TRHDE: variants seen among roughly 807,000 people sequenced by gnomAD.
TRHDE encodes thyrotropin-releasing hormone-degrading ectoenzyme.
TRHDE carries 72 observed loss-of-function variants against 125.7 expected under a neutral mutation model. The observed-to-expected ratio is 0.57, with a 90% confidence interval of 0.47 to 0.70. TRHDE has a LOEUF of 0.70. Among genes scored for constraint, TRHDE ranks in the 30% least tolerant of loss-of-function variants. TRHDE has a pLI of 0.00. For missense variants in TRHDE, 1,110 were observed against 1,327.1 expected (o/e 0.84, Z 2.54); for synonymous variants, 509 against 509.1 (o/e 1.00, Z 0.00).
intron 2 of TRHDE, among the ~76,000 whole-genome samples, chr12:72,335,096 A>C (rs1281236968): frequency 2.0e-5 from 3 of 151,988 alleles, no homozygotes; most frequent in African/African-American, 4.8e-5. Context: ...AGAACTGGAA[A>C]CTGTGTCAAG....
At chr12:72,117,778 A>G (rs1482261115) in intron 2 of TRHDE, among the ~76,000 whole-genome samples, 1 of 151,456 alleles carries the variant, frequency 6.6e-6, no homozygotes. Flanking sequence ...GTTTTCATGT[A>G]GAGATATTTT....
intron 6 of TRHDE, among the ~76,000 whole-genome samples, chr12:72,536,301 C>G (rs573169280): frequency 3.3e-5 from 5 of 152,082 alleles, no homozygotes; most frequent in Non-Finnish European, 7.4e-5. Context: ...TCCAGATTTT[C>G]TAAGAAGGAG....
At chr12:72,352,090 G>T (rs1046988479) in intron 2 of TRHDE, among the ~76,000 whole-genome samples, 1 of 151,806 alleles carries the variant, frequency 6.6e-6, no homozygotes, top group Admixed American at 6.6e-5. Flanking sequence ...TTAAATGAAC[G>T]TTTGTCTCCT....
rs141831091 is a variant in TRHDE, at chr12:72,166,631, C to T, written n.279+60879C>T. The stretch of plus-strand genomic sequence containing the variant: ...CATATTTCTAAGGCTTGTGCAGGTT[C>T]CTCTGATGCGCTCCATTCTTCCTTT... On this transcript the variant is annotated intron_variant and non_coding_transcript_variant, in intron 2 of 4. Coordinates refer to the TRHDE transcript ENST00000548156. 7.9e-5 allele frequency among the ~76,000 whole-genome samples: 12 copies of T among 152,252 alleles called. No homozygotes were observed. The South Asian group carries it at 2.1e-3, about 26-fold the overall frequency.
chr12:72,435,870 T>C (rs1272036933), intron 3 of TRHDE, among the ~76,000 whole-genome samples: 1 of 152,042 alleles, frequency 6.6e-6, no homozygotes, highest in African/African-American at 2.4e-5. Context: ...ATTATGCTAT[T>C]ACAAGCAAAC....
At chr12:72,336,867 C>G (rs1253469032) in intron 2 of TRHDE, among the ~76,000 whole-genome samples, 1 of 152,148 alleles carries the variant, frequency 6.6e-6, no homozygotes, top group African/African-American at 2.4e-5. Flanking sequence ...ACTTATTAGG[C>G]CCCACCTCCC....
chr12:72,131,150 A>C (rs1373934494), intron 2 of TRHDE, among the ~76,000 whole-genome samples: 4 of 145,224 alleles, frequency 2.8e-5, no homozygotes, highest in African/African-American at 1.0e-4. Flanking sequence ...CGACTCACTG[A>C]AAGCTCCGCC....
At chr12:72,653,347 T>G (rs1332239717) in intron 17 of TRHDE, among the ~76,000 whole-genome samples, 191 bp downstream of exon 17, 3 of 152,220 alleles carry the variant, frequency 2.0e-5, no homozygotes, top group South Asian at 2.1e-4. Context: ...TTATTAAAAT[T>G]GATAAACTTA....
intron 2 of TRHDE, among the ~76,000 whole-genome samples, chr12:72,301,598 C>T (rs1314951673): frequency 1.3e-5 from 2 of 152,134 alleles, no homozygotes; most frequent in African/African-American, 2.4e-5. Flanking sequence ...TTGGATTCCA[C>T]CACTTATTAG....
chr12:72,383,096 A>G (rs1872258980), intron 3 of TRHDE, among the ~76,000 whole-genome samples: 1 of 152,226 alleles, frequency 6.6e-6, no homozygotes, highest in South Asian at 2.1e-4. Flanking sequence ...AATTAAAACT[A>G]AGGTTTGCAG....
intron 2 of TRHDE, among the ~76,000 whole-genome samples, chr12:72,187,506 T>TGGAGGAGGA (rs948900502): frequency 1.3e-4 from 17 of 132,364 alleles, no homozygotes; most frequent in African/African-American, 3.2e-4. Flanking sequence ...GTGGTGGTGG[T>TGGAGGAGGA]GGAGGAGGAG....
intron 2 of TRHDE, among the ~76,000 whole-genome samples, chr12:72,160,454 G>A (rs1876610793): frequency 6.6e-6 from 1 of 152,134 alleles, no homozygotes; most frequent in Non-Finnish European, 1.5e-5. Context: ...GGAGGCCAAG[G>A]CGCGTGGATC....
At chr12:72,401,145 A>G (rs940904511) in intron 3 of TRHDE, among the ~76,000 whole-genome samples, 6 of 152,130 alleles carry the variant, frequency 3.9e-5, no homozygotes, top group Admixed American at 3.3e-4. Flanking sequence ...CTTTTAAGTG[A>G]TATTTGGCTT....
intron 2 of TRHDE, among the ~76,000 whole-genome samples, chr12:72,291,665 A>G (rs1880092389): frequency 6.6e-6 from 1 of 152,264 alleles, no homozygotes; most frequent in African/African-American, 2.4e-5. Flanking sequence ...CTTCCCAACA[A>G]TACAATATGG....
At chr12:72,345,529 T>C (rs1870289427) in intron 2 of TRHDE, among the ~76,000 whole-genome samples, 2 of 152,124 alleles carry the variant, frequency 1.3e-5, no homozygotes, top group Non-Finnish European at 2.9e-5. Flanking sequence ...ATATAACTGA[T>C]TTAAGTTCAT....
rs757148513 is a variant in TRHDE at position 72,659,951 on chromosome 12, C to T, written c.3066+2943C>T. ...GAGATAAAGAGAAAACAGCTGGGCC[C>T]CGGGGACCACTACCACCAAGATGAG... On this transcript the variant is annotated intron_variant, in intron 18 of 18. Transcript: ENST00000261180. 3.3e-5 allele frequency among the ~76,000 whole-genome samples: 5 copies of T among 152,046 alleles called. No homozygotes were observed. The South Asian group carries it at 1.0e-3, about 32-fold the overall frequency.
intron 15 of TRHDE, among the ~76,000 whole-genome samples, chr12:72,640,585 T>C (rs1874014473): frequency 6.6e-6 from 1 of 152,070 alleles, no homozygotes; most frequent in African/African-American, 2.4e-5. Context: ...CAGAAAATTT[T>C]TGCCTGAAAC....
chr12:72,478,993 GC>G (rs1272670133), intron 5 of TRHDE, among the ~76,000 whole-genome samples: 1 of 146,756 alleles, frequency 6.8e-6, no homozygotes, highest in Non-Finnish European at 1.5e-5. Context: ...GGTTAAACTA[GC>G]TTTCACTGAG....
chr12:72,586,191 A>C (rs778389728), intron 12 of TRHDE, among the ~76,000 whole-genome samples: 2 of 152,222 alleles, frequency 1.3e-5, no homozygotes, highest in Non-Finnish European at 2.9e-5. Context: ...ATTATTTTAC[A>C]CTAGTCATAA....
Sources: gnomAD v4.1 joint callset for allele counts (sites outside exome capture counted in the v4.1 genomes callset) on GRCh38, gnomAD v4.1.1 for gene constraint, MANE v1.5 for transcripts, NCBI Gene and HGNC (gene_info 2026-07-23, HGNC 2026-07-21) for gene names.